Variants in ARMC8 observed in about 807,000 individuals in gnomAD.
ARMC8 encodes armadillo repeat containing 8, also known as armadillo repeat-containing protein 8.
In ARMC8, 20 loss-of-function variants were observed where a neutral mutation model predicts 99.3. The observed-to-expected ratio is 0.20, with a 90% CI of 0.14 to 0.29. The LOEUF (loss-of-function observed/expected upper bound fraction) is 0.29. Among genes scored for constraint, ARMC8 ranks in the 10% least tolerant of loss-of-function variants. The pLI is 1.00. For missense variants in ARMC8, 569 were observed against 809.5 expected, an observed-to-expected ratio of 0.70 and a Z score of 3.60; for synonymous variants, 263 against 278.3, an observed-to-expected ratio of 0.95 and a Z score of 0.55.
intron 21 of ARMC8, among the ~76,000 whole-genome samples, chr3:138,291,275 C>A (rs1419362408): frequency 6.6e-6 from 1 of 152,216 alleles, no homozygotes; most frequent in Admixed American, 6.5e-5. Context: ...GCCCTTCAGC[C>A]CTTAATGGTC....
chr3:138,187,584 C>A lies in ARMC8; in HGVS notation c.30C>A (p.Arg10=). 1 of 1,535,780 alleles carries A rather than the reference C, an allele frequency of 6.5e-7. No individual in the cohort carries two copies. Among genetic ancestry groups the A allele is most frequent in the South Asian group, 1.2e-5 (1 of 84,062 alleles). Reference sequence around the variant, plus strand: ...CGTGCTTGTTGGAGACCCCAATCCGCATGAGCGTCCTTTCGGTGAGTGACC... The same window carrying A: ...CGTGCTTGTTGGAGACCCCAATCCGAATGAGCGTCCTTTCGGTGAGTGACC... MACLLETPI[R]MSVLSEVTAS... The change falls in exon 1 of 22, where the codon CGC becomes CGA. Residue 10 remains arginine (R), a synonymous_variant. Transcript: ENST00000469044.
rs1406283951 is a variant in ARMC8, at chr3:138,202,073, G to A, written c.46-7744G>A. 3.3e-5 allele frequency among the ~76,000 whole-genome samples: 5 copies of A among 152,152 alleles called. No individual in the cohort carries two copies. The East Asian group carries it at 9.6e-4, about 29-fold the overall frequency. On this transcript the variant is annotated intron_variant, in intron 1 of 21. Coordinates refer to ENST00000469044, the MANE Select transcript of ARMC8 (RefSeq NM_001363941.2). ...TCATTTAAAATCGAACTTTTGTAGAGTTCAAACTTCCTATTTTTGTGTTTG... is the reference window on the plus strand; with the variant it reads ...TCATTTAAAATCGAACTTTTGTAGAATTCAAACTTCCTATTTTTGTGTTTG...
chr3:138,272,918 A>C, intron 16 of ARMC8, 49 bp from the exon 17 acceptor site: 1 of 1,349,334 alleles, frequency 7.4e-7, no homozygotes, highest in Non-Finnish European at 9.7e-7. Flanking sequence ...AATATAATTT[A>C]ATAAAGTAAA....
intron 1 of ARMC8, among the ~76,000 whole-genome samples, chr3:138,205,280 A>G (rs934279198): frequency 6.7e-5 from 10 of 150,232 alleles, no homozygotes; most frequent in Non-Finnish European, 1.3e-4. Flanking sequence ...CGATCTCCTG[A>G]CCTCGTGATC....
intron 12 of ARMC8, among the ~76,000 whole-genome samples, chr3:138,256,374 C>G (rs2047401079): frequency 6.8e-6 from 1 of 147,650 alleles, no homozygotes; most frequent in South Asian, 2.1e-4. Context: ...CTGGGAGGTC[C>G]TGTAAAGTAT....
In ARMC8 at chr3:138,215,986, G is replaced by A. The variant is rs534702929; in HGVS notation, c.123-5940G>A. Among the ~76,000 whole-genome samples the A allele has an allele frequency of 9.6e-4, 144 of 150,220 alleles. 1 individual carries two copies. The Middle Eastern group carries it at 0.01, about 11-fold the overall frequency. ...AGCAATTCTCCTGCCTCAGCCTCCC[G>A]AGTAGCTGGGATTACAGCTACTGTA... On this transcript the variant is annotated intron_variant, in intron 2 of 21. Coordinates refer to ENST00000469044, the MANE Select transcript of ARMC8 (RefSeq NM_001363941.2).
chr3:138,220,047 C>CT (rs952496697), intron 2 of ARMC8, among the ~76,000 whole-genome samples: 20 of 152,102 alleles, frequency 1.3e-4, no homozygotes, highest in African/African-American at 4.8e-4. Context: ...TACACAGACT[C>CT]TAAGTAGGTA....
intron 5 of ARMC8, among the ~76,000 whole-genome samples, chr3:138,226,953 A>G (rs2045729098): frequency 6.6e-6 from 1 of 152,190 alleles, no homozygotes; most frequent in Admixed American, 6.5e-5. Context: ...ACAGTGGAGA[A>G]CTTGTGAAGA....
intron 1 of ARMC8, among the ~76,000 whole-genome samples, chr3:138,209,544 C>T (rs987749191): frequency 6.6e-6 from 1 of 152,152 alleles, no homozygotes; most frequent in African/African-American, 2.4e-5. Flanking sequence ...CATGGACATT[C>T]TTACTTTTGA....
chr3:138,246,274 G>A (rs1036316222), intron 12 of ARMC8: 3 of 985,728 alleles, frequency 3.0e-6, no homozygotes, highest in Non-Finnish European at 3.6e-6. Context: ...ATGTTTCCAT[G>A]TACCTCACTT....
chr3:138,210,969 C>T (rs989230203), intron 2 of ARMC8, among the ~76,000 whole-genome samples: 1 of 151,170 alleles, frequency 6.6e-6, no homozygotes, highest in South Asian at 2.1e-4. Flanking sequence ...CACGGCTTCT[C>T]AGTTTACAAA....
chr3:138,289,367 G>A (rs181955009), intron 20 of ARMC8, among the ~76,000 whole-genome samples: 13 of 152,348 alleles, frequency 8.5e-5, no homozygotes, highest in African/African-American at 2.2e-4. Flanking sequence ...TGAGAAGTAA[G>A]TGACAGTCCC....
At chr3:138,187,672 G>T in intron 1 of ARMC8, 73 bp downstream of exon 1, 1 of 1,482,112 alleles carries the variant, frequency 6.7e-7, no homozygotes, top group Non-Finnish European at 9.1e-7. Flanking sequence ...TCCCCCAAGC[G>T]TGGTGTGCCT....
At chr3:138,233,719 T>C (rs767606779) in intron 6 of ARMC8, among the ~76,000 whole-genome samples, 1 of 152,218 alleles carries the variant, frequency 6.6e-6, no homozygotes, top group Non-Finnish European at 1.5e-5. Flanking sequence ...AACGAGCATC[T>C]TCATGACAGT....
intron 14 of ARMC8, among the ~76,000 whole-genome samples, chr3:138,265,665 G>A (rs1576858346): frequency 6.6e-6 from 1 of 152,206 alleles, no homozygotes; most frequent in Admixed American, 6.5e-5. Context: ...AATAGCATGA[G>A]GAGAAACATT....
In ARMC8 at chr3:138,267,213, T is replaced by G. The variant is rs1214737050; in HGVS notation, c.1358T>G (p.Leu453Arg). 1 of 1,579,302 alleles carries G rather than the reference T, an allele frequency of 6.3e-7. No individual in the cohort carries two copies. Among genetic ancestry groups the G allele is most frequent in the African/African-American group, 1.3e-5 (1 of 74,422 alleles). The change falls in exon 15 of 22, where the codon CTT (leucine) becomes CGT (arginine). Residue 453 changes from leucine to arginine, a missense_variant. Physicochemically the swap from Leu to Arg is moderately radical, Grantham distance 102. Coordinates refer to ENST00000469044, the MANE Select transcript of ARMC8 (RefSeq NM_001363941.2). Reference sequence around the variant, plus strand: ...GTAGCATCTTCCATGCTGTGTAATCTTCTTCTTGAATTTTCTCCAAGCAAA... The same window carrying G: ...GTAGCATCTTCCATGCTGTGTAATCGTCTTCTTGAATTTTCTCCAAGCAAA... ...LVVASSMLCN[L>R]LLEFSPSKEP...
intron 2 of ARMC8, among the ~76,000 whole-genome samples, chr3:138,220,061 G>T (rs1358231710): frequency 6.6e-6 from 1 of 152,148 alleles, no homozygotes; most frequent in Non-Finnish European, 1.5e-5. Flanking sequence ...GTAGGTAGGG[G>T]CTGGATAAAT....
At chr3:138,289,169 C>A in intron 20 of ARMC8, 49 bp downstream of exon 20, 1 of 1,456,608 alleles carries the variant, frequency 6.9e-7, no homozygotes, top group Non-Finnish European at 9.6e-7. Flanking sequence ...GGAAGAGTGT[C>A]TTGCACAGGG....
chr3:138,231,528 C>T (rs958127418), intron 6 of ARMC8, among the ~76,000 whole-genome samples: 1 of 152,136 alleles, frequency 6.6e-6, no homozygotes, highest in Non-Finnish European at 1.5e-5. Flanking sequence ...AAAACACTCA[C>T]TAGAAATAGT....
Sources: allele counts gnomAD v4.1 joint callset (sites outside exome capture counted in the v4.1 genomes callset), GRCh38; gene constraint gnomAD v4.1.1; transcripts MANE v1.5; gene names NCBI Gene and HGNC (gene_info 2026-07-23, HGNC 2026-07-21).